Variants in FRMPD4 observed in about 807,000 individuals in gnomAD.
The protein encoded by FRMPD4 is FERM and PDZ domain containing 4, also known as FERM and PDZ domain-containing protein 4.
In FRMPD4, 22 loss-of-function variants were observed where a neutral mutation model predicts 94.1. The observed-to-expected ratio is 0.23, with a 90% CI of 0.17 to 0.33. FRMPD4 has a LOEUF of 0.33. Ranked by LOEUF, FRMPD4 falls within the 10% of genes least tolerant of loss-of-function variation. The pLI, the probability that FRMPD4 is intolerant of heterozygous loss-of-function variation, is 1.00. For missense variants in FRMPD4, 1,111 were observed against 1,339.9 expected (o/e 0.83, Z 2.67); for synonymous variants, 631 against 548.6 (o/e 1.15, Z -2.10).
intron 3 of FRMPD4, among the ~76,000 whole-genome samples, chrX:12,003,313 T>A (rs1376232166): frequency 8.9e-6 from 1 of 112,100 alleles, no homozygotes; most frequent in East Asian, 2.8e-4. Context: ...GTTACAGGAC[T>A]AAGGGAAGTA....
intron 3 of FRMPD4, among the ~76,000 whole-genome samples, chrX:11,973,317 A>G (rs1399939495): frequency 8.9e-6 from 1 of 112,325 alleles, no homozygotes; most frequent in African/African-American, 3.2e-5. Flanking sequence ...GAAAGATGCT[A>G]TAGTCTGAAT....
intron 3 of FRMPD4, among the ~76,000 whole-genome samples, chrX:12,059,378 C>T (rs2054872123): frequency 9.0e-6 from 1 of 111,476 alleles, no homozygotes; most frequent in African/African-American, 3.3e-5. Context: ...GTGTTGTTCC[C>T]TTCATCATAA....
chrX:12,213,901 A>G (rs1364577869), intron 1 of FRMPD4, among the ~76,000 whole-genome samples: 2 of 112,313 alleles, frequency 1.8e-5, no homozygotes, highest in South Asian at 3.7e-4. Context: ...TTAGATGTAT[A>G]TTGAAGATTA....
chrX:12,152,664 A>G (rs1477033126), intron 1 of FRMPD4, among the ~76,000 whole-genome samples: 4 of 111,414 alleles, frequency 3.6e-5, no homozygotes, highest in African/African-American at 9.7e-5. Context: ...ATAGTTTAAT[A>G]TATTAAAGAT....
intron 3 of FRMPD4, among the ~76,000 whole-genome samples, chrX:12,037,172 A>C (rs895275967): frequency 8.9e-6 from 1 of 111,758 alleles, no homozygotes; most frequent in Non-Finnish European, 1.9e-5. Flanking sequence ...CAATGTTCTC[A>C]GCTGGATGAT....
intron 1 of FRMPD4, among the ~76,000 whole-genome samples, chrX:12,154,306 G>C (rs1235178886): frequency 8.9e-6 from 1 of 112,710 alleles, no homozygotes; most frequent in East Asian, 2.7e-4. Context: ...CTCCTGCCAT[G>C]CTCACTTTCT....
intron 1 of FRMPD4, among the ~76,000 whole-genome samples, chrX:12,259,493 A>T (rs1238091782): frequency 2.7e-5 from 3 of 111,588 alleles, no homozygotes; most frequent in Admixed American, 9.5e-5. Flanking sequence ...CTTCCCCAGG[A>T]GCCTTCAAAG....
At chrX:11,953,308 T>C (rs1315955046) in intron 3 of FRMPD4, among the ~76,000 whole-genome samples, 1 of 111,440 alleles carries the variant, frequency 9.0e-6, no homozygotes, top group African/African-American at 3.3e-5. Context: ...GAAGGGAAAC[T>C]TTTTTTTAAC....
At chrX:12,058,584 A>C (rs1365277072) in intron 3 of FRMPD4, among the ~76,000 whole-genome samples, 2 of 111,785 alleles carry the variant, frequency 1.8e-5, no homozygotes, top group Non-Finnish European at 3.8e-5. Context: ...AAGTATACAC[A>C]CAAGTGTGCA....
chrX:11,968,015 C>G (rs180785666), intron 3 of FRMPD4, among the ~76,000 whole-genome samples: 53 of 110,409 alleles, frequency 4.8e-4, no homozygotes, highest in African/African-American at 1.7e-3. Flanking sequence ...CTGTGATCAG[C>G]TGGGGAACCT....
At chrX:12,350,896 C>T (rs1298382172) in intron 1 of FRMPD4, among the ~76,000 whole-genome samples, 1 of 112,480 alleles carries the variant, frequency 8.9e-6, no homozygotes, top group Non-Finnish European at 1.9e-5. Flanking sequence ...TGATTATTGG[C>T]CGGGCACAGT....
Position 12,164,382 on chromosome X carries a change from C to A in FRMPD4, c.41+25370C>A, listed in dbSNP as rs746309677. On this transcript the variant is annotated intron_variant, in intron 1 of 16. Transcript: ENST00000675598. ...TCCCTACAAAGGACATGAACTCATC[C>A]TTTTTTATGGCTGCATAGTATTCCA... Among the ~76,000 whole-genome samples the A allele has an allele frequency of 8.0e-5, 9 of 112,017 alleles. No individual in the cohort carries two copies. In the South Asian group the frequency reaches 1.1e-3, roughly 14 times the overall value.
At chrX:12,373,654 G>C (rs1434900685) in intron 1 of FRMPD4, among the ~76,000 whole-genome samples, 1 of 112,050 alleles carries the variant, frequency 8.9e-6, no homozygotes, top group African/African-American at 3.2e-5. Flanking sequence ...AAAGAAAGAA[G>C]CCAATAATCC....
chrX:12,620,930 C>T (rs1034892552), intron 4 of FRMPD4, among the ~76,000 whole-genome samples: 1 of 112,366 alleles, frequency 8.9e-6, no homozygotes, highest in Non-Finnish European at 1.9e-5. Context: ...CCTATAAAGA[C>T]TGGAAGAGGG....
At chrX:12,370,679 C>T (rs16986847) in intron 1 of FRMPD4, among the ~76,000 whole-genome samples, 1,955 of 112,512 alleles carry the variant, frequency 0.017, 51 homozygotes, top group African/African-American at 0.059. Flanking sequence ...AAAAGTATTA[C>T]GTGAGAAGAA....
chrX:12,538,795 C>G (rs1172115204), intron 2 of FRMPD4, among the ~76,000 whole-genome samples: 1 of 111,993 alleles, frequency 8.9e-6, no homozygotes, highest in Non-Finnish European at 1.9e-5. Context: ...CACACCAAAA[C>G]CCCATCTGTA....
intron 1 of FRMPD4, among the ~76,000 whole-genome samples, chrX:12,145,923 T>A: frequency 8.9e-6 from 1 of 112,071 alleles, no homozygotes; most frequent in Non-Finnish European, 1.9e-5. Flanking sequence ...GCACTTACAA[T>A]ACCACTTGTA....
At chrX:12,538,911 A>G (rs1240512734) in intron 2 of FRMPD4, among the ~76,000 whole-genome samples, 1 of 112,171 alleles carries the variant, frequency 8.9e-6, no homozygotes, top group Non-Finnish European at 1.9e-5. Context: ...TCCCCCTCCA[A>G]AGGAATAGAG....
At chrX:12,457,732 G>A (rs1601965588) in intron 1 of FRMPD4, among the ~76,000 whole-genome samples, 1 of 112,198 alleles carries the variant, frequency 8.9e-6, no homozygotes, top group South Asian at 3.7e-4. Context: ...GCAAAATGCA[G>A]TAATGATGAT....
Sources: allele counts gnomAD v4.1 joint callset (sites outside exome capture counted in the v4.1 genomes callset), GRCh38; gene constraint gnomAD v4.1.1; transcripts MANE v1.5; gene names NCBI Gene and HGNC (gene_info 2026-07-23, HGNC 2026-07-21).